The following FAM135B variants were observed in gnomAD, a reference collection of about 807,000 sequenced individuals.
FAM135B encodes protein FAM135B.
Under a neutral mutation model 127.7 loss-of-function variants are expected in FAM135B, and 43 were observed. The ratio of observed to expected loss-of-function variants is 0.34; its 90% CI spans 0.26 to 0.43. The LOEUF is 0.43. Among genes scored for constraint, FAM135B ranks in the 20% least tolerant of loss-of-function variants. FAM135B has a pLI of 1.00. For synonymous variants in FAM135B, 670 were observed against 665.1 expected (o/e 1.01, Z -0.11); for missense variants, 1,558 against 1,725.6 (o/e 0.90, Z 1.72).
intron 1 of FAM135B, among the ~76,000 whole-genome samples, chr8:138,444,219 A>C (rs1328663066): frequency 2.0e-5 from 3 of 152,178 alleles, no homozygotes; most frequent in African/African-American, 7.2e-5. Flanking sequence ...TTAACACCCC[A>C]CTGTCAACAT....
intron 1 of FAM135B, among the ~76,000 whole-genome samples, chr8:138,379,901 C>T (rs1044614234): frequency 3.9e-5 from 6 of 152,168 alleles, no homozygotes; most frequent in East Asian, 1.9e-4. Context: ...GAGCTGAAGA[C>T]GGGATTCCTG....
chr8:138,406,675 T>G (rs1157581540), intron 1 of FAM135B, among the ~76,000 whole-genome samples: 2 of 151,782 alleles, frequency 1.3e-5, no homozygotes, highest in Non-Finnish European at 2.9e-5. Context: ...ATTATCTCAA[T>G]AGATGCAGAA....
rs781523658 is a variant in FAM135B, at chr8:138,141,189, G to T, written c.3790+9C>A. ...TTCTGAGGAATGACGAGTCCTAGAA[G>T]AATCTTACCTGTACTAACCAGGGTG... On this transcript the variant is annotated intron_variant, in intron 17 of 19. Transcript: ENST00000395297. This position sits in a 1 kb window ranked among gnomAD's most constrained non-coding sequence, Gnocchi z 4.7. The T allele has an allele frequency of 6.2e-6, 10 of 1,613,602 alleles. No homozygotes were observed. The Admixed American group carries it at 8.3e-5, about 13-fold the overall frequency.
chr8:138,299,723 TTTGCAGAGACC>T (rs1825742333), intron 3 of FAM135B, among the ~76,000 whole-genome samples: 2 of 152,154 alleles, frequency 1.3e-5, no homozygotes, highest in Non-Finnish European at 2.9e-5. Context: ...TGTCAGTGCA[TTTGCAGAGACC>T]TTGTAGGTAG....
At chr8:138,262,730 C>A (rs1005833656) in intron 4 of FAM135B, among the ~76,000 whole-genome samples, 3 of 151,552 alleles carry the variant, frequency 2.0e-5, no homozygotes, top group African/African-American at 7.3e-5. Flanking sequence ...GAAACCTTGT[C>A]TCTACTAAAA....
intron 3 of FAM135B, 71 bp from the exon 4 acceptor site, chr8:138,265,913 C>G (rs1314089593): frequency 2.0e-6 from 3 of 1,501,800 alleles, no homozygotes; most frequent in South Asian, 1.3e-5. Context: ...TGTCAGGTGT[C>G]TTTCCTGCTC....
At chr8:138,339,819 GC>G (rs1337142624) in intron 2 of FAM135B, among the ~76,000 whole-genome samples, 7 of 152,154 alleles carry the variant, frequency 4.6e-5, no homozygotes, top group Non-Finnish European at 8.8e-5. Flanking sequence ...AGTGTCCTCT[GC>G]AGGGCTGGAC....
chr8:138,175,054 AAG>A (rs869225329), intron 11 of FAM135B, among the ~76,000 whole-genome samples: 2 of 152,340 alleles, frequency 1.3e-5, no homozygotes, highest in South Asian at 4.1e-4. Context: ...TAGATATAAG[AAG>A]TTCAGTAACT....
intron 7 of FAM135B, among the ~76,000 whole-genome samples, chr8:138,197,966 T>A (rs1435648810): frequency 6.6e-6 from 1 of 152,196 alleles, no homozygotes; most frequent in Admixed American, 6.5e-5. Context: ...CGAATGATCA[T>A]GAAGGTGATG....
intron 2 of FAM135B, among the ~76,000 whole-genome samples, chr8:138,322,465 T>C (rs763110338): frequency 5.9e-4 from 89 of 152,100 alleles, no homozygotes; most frequent in Admixed American, 2.0e-3. Context: ...TTCCAGTGAG[T>C]TCTGAAAAGC....
intron 9 of FAM135B, among the ~76,000 whole-genome samples, chr8:138,182,468 C>T (rs994907130): frequency 6.6e-6 from 1 of 152,170 alleles, no homozygotes; most frequent in African/African-American, 2.4e-5. Context: ...TGGGTGCTAA[C>T]CAAGCACCTT....
At chr8:138,465,977 T>G (rs561102948) in intron 1 of FAM135B, among the ~76,000 whole-genome samples, 2 of 152,178 alleles carry the variant, frequency 1.3e-5, no homozygotes, top group East Asian at 3.9e-4. Flanking sequence ...GGTTTCACTG[T>G]GTTGGCCAGG....
intron 3 of FAM135B, among the ~76,000 whole-genome samples, chr8:138,283,141 C>T (rs547976989): frequency 1.9e-3 from 287 of 152,116 alleles, no homozygotes; most frequent in African/African-American, 6.4e-3. Flanking sequence ...CCTCGTGACC[C>T]GCCCACCTCA....
intron 3 of FAM135B, among the ~76,000 whole-genome samples, chr8:138,268,612 T>G (rs939617386): frequency 6.6e-6 from 1 of 152,138 alleles, no homozygotes; most frequent in Non-Finnish European, 1.5e-5. Flanking sequence ...ATTGGGATTT[T>G]CCCTTCTTCA....
At chr8:138,171,915 GAC>G (rs1336597689) in intron 11 of FAM135B, among the ~76,000 whole-genome samples, 5 of 152,172 alleles carry the variant, frequency 3.3e-5, no homozygotes, top group African/African-American at 1.2e-4. Flanking sequence ...TGTTTACATG[GAC>G]ATATCTGTGT....
chr8:138,216,507 G>T (rs2129953507), intron 7 of FAM135B, among the ~76,000 whole-genome samples: 1 of 152,276 alleles, frequency 6.6e-6, no homozygotes, highest in East Asian at 1.9e-4. Flanking sequence ...AAAGGATGCA[G>T]GTAAGGGGTG....
At chr8:138,408,437 A>G (rs918766229) in intron 1 of FAM135B, among the ~76,000 whole-genome samples, 3 of 152,074 alleles carry the variant, frequency 2.0e-5, no homozygotes, top group African/African-American at 4.8e-5. Context: ...CTGGCTTCCA[A>G]ATTTTTTTCT....
intron 2 of FAM135B, among the ~76,000 whole-genome samples, chr8:138,330,338 G>T (rs1007594859): frequency 6.6e-6 from 1 of 151,998 alleles, no homozygotes; most frequent in African/African-American, 2.4e-5. Context: ...TTTGAGTACC[G>T]GGAAAAGCAA....
At chr8:138,139,720 T>C (rs1209554670) in intron 17 of FAM135B, among the ~76,000 whole-genome samples, 1 of 152,162 alleles carries the variant, frequency 6.6e-6, no homozygotes, top group African/African-American at 2.4e-5. Context: ...GAGTCGAGAT[T>C]GCACCATTGC....
Sources: allele counts gnomAD v4.1 joint callset (sites outside exome capture counted in the v4.1 genomes callset), GRCh38; gene constraint gnomAD v4.1.1; non-coding constraint Gnocchi (gnomAD v3.1); transcripts MANE v1.5; gene names NCBI Gene and HGNC (gene_info 2026-07-23, HGNC 2026-07-21).